The following REPS2 variants were observed in gnomAD, a reference collection of about 807,000 sequenced individuals.
REPS2 encodes the protein ralBP1-associated Eps domain-containing protein 2.
A neutral mutation model predicts 53.6 loss-of-function variants in REPS2; 23 were observed. That is an observed-to-expected ratio of 0.43 (90% confidence interval 0.31 to 0.61). REPS2 has a LOEUF of 0.61. Among genes scored for constraint, REPS2 ranks in the 20% least tolerant of loss-of-function variants. REPS2 has a pLI of 0.11. For missense variants in REPS2, 446 were observed against 534.9 expected, an observed-to-expected ratio of 0.83 and a Z score of 1.64; for synonymous variants, 238 against 218.6, an observed-to-expected ratio of 1.09 and a Z score of -0.78.
chrX:17,164,734 G>C, the REPS2 span, among the ~76,000 whole-genome samples: 1 of 111,057 alleles, frequency 9.0e-6, no homozygotes, highest in African/African-American at 3.3e-5. Flanking sequence ...ATTTTCCACT[G>C]TTAGAAAATT....
the REPS2 span, among the ~76,000 whole-genome samples, chrX:17,186,542 A>G: frequency 8.9e-6 from 1 of 112,316 alleles, no homozygotes; most frequent in Non-Finnish European, 1.9e-5. Flanking sequence ...TCCAGCTAGA[A>G]CACTATGCTA....
intron 13 of REPS2, among the ~76,000 whole-genome samples, chrX:17,092,358 C>A (rs1372409383): frequency 9.0e-6 from 1 of 111,456 alleles, no homozygotes; most frequent in African/African-American, 3.3e-5. Flanking sequence ...AAGCAGAGAT[C>A]CAATAAATCA....
At chrX:17,020,434 C>A (rs1166847155) in intron 2 of REPS2, among the ~76,000 whole-genome samples, 1 of 111,600 alleles carries the variant, frequency 9.0e-6, no homozygotes, top group Non-Finnish European at 1.9e-5. Context: ...GAGACCAAAA[C>A]CATAGAGTTA....
chrX:17,153,831 C>T (rs2063590651), downstream of REPS2, among the ~76,000 whole-genome samples: 1 of 111,231 alleles, frequency 9.0e-6, no homozygotes, highest in African/African-American at 3.3e-5. Context: ...CTGGAAGAAT[C>T]ATCTATCATT....
intron 14 of REPS2, among the ~76,000 whole-genome samples, chrX:17,113,538 A>G (rs758441241): frequency 9.0e-6 from 1 of 111,730 alleles, no homozygotes; most frequent in East Asian, 2.8e-4. Context: ...TCATATCTCT[A>G]GATTCATGTA....
chrX:16,970,233 G>A (rs1285152319), intron 1 of REPS2, among the ~76,000 whole-genome samples: 1 of 102,784 alleles, frequency 9.7e-6, no homozygotes, highest in African/African-American at 3.6e-5. Context: ...ATCTCCCTCT[G>A]TCACCCAGGC....
intron 16 of REPS2, chrX:17,135,730 G>A: frequency 4.8e-6 from 1 of 210,331 alleles, no homozygotes; most frequent in Non-Finnish European, 8.6e-6. Flanking sequence ...CAAGATGAAA[G>A]TATTGTAAGT....
intron 1 of REPS2, among the ~76,000 whole-genome samples, chrX:16,966,129 G>C (rs2060765076): frequency 8.9e-6 from 1 of 112,060 alleles, no homozygotes; most frequent in African/African-American, 3.2e-5. Context: ...ACCGTGGGGA[G>C]AGGGAGAGGG....
rs774064074 is a variant in REPS2 at position 17,026,306 on chromosome X, C to A, written c.673+1121C>A. 7.2e-5 allele frequency among the ~76,000 whole-genome samples: 8 copies of A among 111,445 alleles called. 1 individual carries two copies. Among genetic ancestry groups the A allele is most frequent in the African/African-American group, 2.6e-4 (8 of 30,749 alleles). On this transcript the variant is annotated intron_variant, in intron 4 of 17. Coordinates refer to ENST00000357277, the MANE Select transcript of REPS2 (RefSeq NM_004726.3). ...TTGGAAATTAAGTCCTATGCACATGCAAGATGATGTTGCTAATGGATAGTA... is the reference window on the plus strand; with the variant it reads ...TTGGAAATTAAGTCCTATGCACATGAAAGATGATGTTGCTAATGGATAGTA...
intron 12 of REPS2, among the ~76,000 whole-genome samples, chrX:17,074,864 T>C (rs1377055903): frequency 1.8e-5 from 2 of 111,622 alleles, no homozygotes; most frequent in Non-Finnish European, 3.8e-5. Flanking sequence ...ATGTGTGTGT[T>C]TTCTGTTTTG....
chrX:17,170,569 T>C, the REPS2 span, among the ~76,000 whole-genome samples: 13 of 112,590 alleles, frequency 1.2e-4, no homozygotes, highest in South Asian at 4.8e-3. Context: ...CACTGTCCCT[T>C]CTCTGAGTCT....
chrX:16,962,268 T>G (rs2060671462), intron 1 of REPS2, among the ~76,000 whole-genome samples: 1 of 84,834 alleles, frequency 1.2e-5, no homozygotes, highest in African/African-American at 4.4e-5. Flanking sequence ...GCTAAAAATA[T>G]CGTGGGATAC....
chrX:17,123,674 C>T (rs776961307), intron 14 of REPS2, among the ~76,000 whole-genome samples: 4 of 112,520 alleles, frequency 3.6e-5, no homozygotes, highest in Non-Finnish European at 5.6e-5. Context: ...CCTGAGATAT[C>T]CATGTTAAAG....
At chrX:17,102,677 A>G (rs1423031494) in intron 13 of REPS2, among the ~76,000 whole-genome samples, 2 of 112,549 alleles carry the variant, frequency 1.8e-5, no homozygotes. Context: ...CCTGAGTTAC[A>G]TTTGTGGAAC....
At chrX:17,055,177 C>T (rs970434672) in intron 8 of REPS2, among the ~76,000 whole-genome samples, 8 of 80,496 alleles carry the variant, frequency 9.9e-5, no homozygotes, top group South Asian at 7.6e-4. Context: ...TCATGTCCTT[C>T]GCCCACTTTT....
chrX:17,189,265 C>A, the REPS2 span, among the ~76,000 whole-genome samples: 1 of 109,992 alleles, frequency 9.1e-6, no homozygotes, highest in Non-Finnish European at 1.9e-5. Flanking sequence ...AAGGCACATG[C>A]CACTTTCTTT....
At chrX:17,080,113 C>G (rs1310171471) in intron 13 of REPS2, among the ~76,000 whole-genome samples, 1 of 111,311 alleles carries the variant, frequency 9.0e-6, no homozygotes, top group Non-Finnish European at 1.9e-5. Flanking sequence ...AACCATCTTT[C>G]TATTTCATAT....
At chrX:17,078,138 G>A (rs960807226) in intron 13 of REPS2, among the ~76,000 whole-genome samples, 1 of 112,280 alleles carries the variant, frequency 8.9e-6, no homozygotes, top group Admixed American at 9.4e-5. Context: ...GATAGGATAC[G>A]GTGCTGTCCC....
intron 1 of REPS2, among the ~76,000 whole-genome samples, chrX:16,979,130 G>T (rs996045801): frequency 8.9e-6 from 1 of 111,825 alleles, no homozygotes; most frequent in Non-Finnish European, 1.9e-5. Context: ...TCAGGGTTTC[G>T]AGTGCCCATA....
Sources: gnomAD v4.1 joint callset for allele counts (sites outside exome capture counted in the v4.1 genomes callset) on GRCh38, gnomAD v4.1.1 for gene constraint, MANE v1.5 for transcripts, NCBI Gene and HGNC (gene_info 2026-07-23, HGNC 2026-07-21) for gene names.